CYP3A7: variants seen among roughly 807,000 people sequenced by gnomAD.
CYP3A7 encodes the protein cytochrome P450 3A7.
CYP3A7 carries 45 observed loss-of-function variants against 55.2 expected under a neutral mutation model. The ratio of observed to expected loss-of-function variants is 0.82; its 90% CI spans 0.64 to 1.05. The LOEUF is 1.05. Among genes scored for constraint, CYP3A7 ranks in the 50% least tolerant of loss-of-function variants. The probability of loss-of-function intolerance (pLI) is 0.00; values close to 1 mark genes in which losing one functional copy is unlikely to be tolerated. For synonymous variants in CYP3A7, 180 were observed against 207.4 expected (o/e 0.87, Z 1.13); for missense variants, 548 against 605.3 (o/e 0.91, Z 0.99).
At chr7:99,719,303 A>G (rs2687072) in intron 4 of CYP3A7, among the ~76,000 whole-genome samples, 115,895 of 152,156 alleles carry the variant, frequency 0.76, 47,129 homozygotes, top group Non-Finnish European at 0.91. Context: ...GGAGGAATAA[A>G]CACAGTGATC....
intron 11 of CYP3A7, 105 bp from the exon 12 acceptor site, chr7:99,708,079 C>T: frequency 6.6e-7 from 1 of 1,522,230 alleles, no homozygotes. Context: ...TAGCAGTACA[C>T]AGGATACTTT....
intron 6 of CYP3A7, 111 bp from the exon 7 acceptor site, chr7:99,716,017 A>T: frequency 6.3e-7 from 1 of 1,594,038 alleles, no homozygotes. Flanking sequence ...ACAGCCACAG[A>T]CTTTCAGAAC....
Position 99,710,900 on chromosome 7 carries a change from G to A in CYP3A7, c.866-8C>T. The A allele has an allele frequency of 1.2e-6, 2 of 1,613,594 alleles. No homozygotes were observed. The highest frequency in any genetic ancestry group is 1.7e-6 in the Non-Finnish European group (2 of 1,179,688). On this transcript the variant is annotated splice_region_variant and splice_polypyrimidine_tract_variant and intron_variant, in intron 9 of 12. Coordinates refer to ENST00000336374, the MANE Select transcript of CYP3A7 (RefSeq NM_000765.5). The stretch of plus-strand genomic sequence containing the variant: ...GCTCCAGATCAGACAGAGCTGAAAG[G>A]AGAGAAAAGACATTTTAGGTAAATC...
chr7:99,725,167 T>C (rs1563026772), intron 2 of CYP3A7, among the ~76,000 whole-genome samples: 1 of 152,150 alleles, frequency 6.6e-6, no homozygotes, highest in Non-Finnish European at 1.5e-5. Flanking sequence ...AAGGTAAAGA[T>C]GAAAACCCAG....
At chr7:99,719,607 T>C (rs376848658) in intron 4 of CYP3A7, among the ~76,000 whole-genome samples, 1 of 150,542 alleles carries the variant, frequency 6.6e-6, no homozygotes, top group South Asian at 2.1e-4. Context: ...TAAAAAAATA[T>C]TAATACATTG....
At chr7:99,716,104 T>C (rs1461028639) in intron 6 of CYP3A7, among the ~76,000 whole-genome samples, 198 bp from the exon 7 acceptor site, 1 of 152,148 alleles carries the variant, frequency 6.6e-6, no homozygotes, top group African/African-American at 2.4e-5. Context: ...GGCTCTCCGC[T>C]GGGGGTGATG....
chr7:99,709,070 C>G lies in CYP3A7; in HGVS notation c.1218G>C (p.Lys406Asn), dbSNP rs1563018641. 6.2e-7 allele frequency: 1 copy of G among 1,613,978 alleles called. No individual in the cohort carries two copies. Among genetic ancestry groups the G allele is most frequent in the Admixed American group, 1.7e-5 (1 of 60,004 alleles). Residue 406 changes from lysine (K) to asparagine (N), a missense_variant, in exon 11 of 13, where the codon AAG (lysine) becomes AAC (asparagine). Lys to Asn is a moderately conservative substitution (Grantham distance 94, BLOSUM62 0). Transcript: ENST00000336374. Reference protein sequence around the residue: ...IPSYVLHHDPKYWTEPEKFLP... With the variant: ...IPSYVLHHDPNYWTEPEKFLP... ...GGAACTTCTCAGGCTCTGTCCAGTA[C>G]TTTGGGTCATGATGAAGAACATAGC...
chr7:99,732,804 T>C (rs1377736197), intron 1 of CYP3A7, among the ~76,000 whole-genome samples: 1 of 152,166 alleles, frequency 6.6e-6, no homozygotes, highest in Non-Finnish European at 1.5e-5. Flanking sequence ...CATATGTGCT[T>C]TCAGCTGAAA....
chr7:99,705,938 C>T (rs924854624), intron 12 of CYP3A7, among the ~76,000 whole-genome samples: 20 of 152,250 alleles, frequency 1.3e-4, no homozygotes, highest in African/African-American at 2.2e-4. Context: ...TTAGGTATAA[C>T]GGTAAACTTT....
At chr7:99,718,182 T>C (rs1485801313) in intron 4 of CYP3A7, among the ~76,000 whole-genome samples, 1 of 151,738 alleles carries the variant, frequency 6.6e-6, no homozygotes, top group East Asian at 1.9e-4. Context: ...AAATGATGAG[T>C]TAATGAGTAC....
chr7:99,705,400 C>T lies in CYP3A7; in HGVS notation c.*100G>A. On this transcript the variant is annotated 3_prime_UTR_variant, in exon 13 of 13. Transcript: ENST00000336374. Reference sequence around the variant, plus strand: ...TATTTATGCAGCACATTGGATGAAGCCCGTCTTCATTTCAGGGTTCTATTT... The same window carrying T: ...TATTTATGCAGCACATTGGATGAAGTCCGTCTTCATTTCAGGGTTCTATTT... 1 of 1,316,558 alleles carries T rather than the reference C, an allele frequency of 7.6e-7. No individual in the cohort carries two copies. Among genetic ancestry groups the T allele is most frequent in the Non-Finnish European group, 1.1e-6 (1 of 919,716 alleles). 81.6% of individuals were successfully genotyped at this position (1,316,558 alleles called of 1,614,324 possible).
At chr7:99,707,705 GA>G (rs1813577920) in intron 12 of CYP3A7, 106 bp downstream of exon 12, 4 of 1,539,110 alleles carry the variant, frequency 2.6e-6, no homozygotes, top group Non-Finnish European at 3.5e-6. Flanking sequence ...TTGGCCCATA[GA>G]ACAAATTATT....
rs1360384944 is a variant in CYP3A7, at chr7:99,708,103, C to T, written c.1254-129G>A. The T allele has an allele frequency of 3.9e-6, 5 of 1,284,330 alleles. No homozygotes were observed. The Admixed American group carries it at 9.7e-5, about 25-fold the overall frequency. 79.6% of individuals were successfully genotyped at this position (1,284,330 alleles called of 1,614,324 possible). ...ACAGGATACTTTTGTGGGCTAGTCACTGAAATCCTGCTATGCATATTTTGC... is the reference window on the plus strand; with the variant it reads ...ACAGGATACTTTTGTGGGCTAGTCATTGAAATCCTGCTATGCATATTTTGC... On this transcript the variant is annotated intron_variant, in intron 11 of 12. Transcript: ENST00000336374.
chr7:99,718,515 A>T (rs548594704), intron 4 of CYP3A7, among the ~76,000 whole-genome samples: 9 of 152,204 alleles, frequency 5.9e-5, no homozygotes, highest in Admixed American at 2.0e-4. Context: ...AAAATTCAGC[A>T]AACTAGGGAG....
chr7:99,705,246 T>TA lies in CYP3A7; in HGVS notation c.*253dup, dbSNP rs1813475571. 2.5e-6 allele frequency: 1 copy of TA among 399,464 alleles called. No individual in the cohort carries two copies. The highest frequency in any genetic ancestry group is 4.6e-6 in the Non-Finnish European group (1 of 216,218). 24.7% of individuals were successfully genotyped at this position (399,464 alleles called of 1,614,324 possible). A position where few individuals can be genotyped will look rare whatever the true frequency, so the allele number is the denominator to read the frequency against. On this transcript the variant is annotated 3_prime_UTR_variant, in exon 13 of 13. Transcript: ENST00000336374. ...TGGTGCTAACTGGGGGTGGTGGAGA[T>TA]AGTCCTATGAGAAGCAGAGAAGCCA...
At chr7:99,718,217 A>G (rs975906112) in intron 4 of CYP3A7, among the ~76,000 whole-genome samples, 1 of 152,190 alleles carries the variant, frequency 6.6e-6, no homozygotes, top group Non-Finnish European at 1.5e-5. Flanking sequence ...GCACATGCAT[A>G]CATATGTAAC....
intron 2 of CYP3A7, among the ~76,000 whole-genome samples, chr7:99,728,596 C>T (rs764535373): frequency 2.5e-4 from 38 of 152,190 alleles, no homozygotes; most frequent in Non-Finnish European, 4.6e-4. Context: ...GGCTCCACCA[C>T]GTACATATGT....
At chr7:99,724,984 G>T (rs1814352794) in intron 2 of CYP3A7, among the ~76,000 whole-genome samples, 2 of 152,128 alleles carry the variant, frequency 1.3e-5, no homozygotes, top group South Asian at 2.1e-4. Context: ...AGTGCCATGA[G>T]CCAGACCTTC....
At chr7:99,732,033 C>T (rs1213533432) in intron 1 of CYP3A7, among the ~76,000 whole-genome samples, 1 of 152,102 alleles carries the variant, frequency 6.6e-6, no homozygotes, top group Non-Finnish European at 1.5e-5. Context: ...TGAATCTGTG[C>T]CCCTACCCAA....
Sources: allele counts gnomAD v4.1 joint callset (sites outside exome capture counted in the v4.1 genomes callset), GRCh38; gene constraint gnomAD v4.1.1; transcripts MANE v1.5; gene names NCBI Gene and HGNC (gene_info 2026-07-23, HGNC 2026-07-21).